The following PLEKHM3 variants were observed in gnomAD, a reference collection of about 807,000 sequenced individuals.
PLEKHM3 encodes the protein pleckstrin homology domain-containing family M member 3.
A neutral mutation model predicts 81.8 loss-of-function variants in PLEKHM3; 45 were observed. The ratio of observed to expected loss-of-function variants is 0.55; its 90% confidence interval spans 0.43 to 0.71. PLEKHM3 has a LOEUF of 0.71. PLEKHM3 is among the 30% of genes least tolerant of loss of function. The probability of loss-of-function intolerance (pLI) is 0.00; values close to 1 mark genes in which losing one functional copy is unlikely to be tolerated. For missense variants in PLEKHM3, 788 were observed against 924.3 expected, an observed-to-expected ratio of 0.85 and a Z score of 1.91; for synonymous variants, 352 against 356.4, an observed-to-expected ratio of 0.99 and a Z score of 0.14.
chr2:208,006,904 G>A (rs997483951), intron 1 of PLEKHM3, among the ~76,000 whole-genome samples: 3 of 152,230 alleles, frequency 2.0e-5, no homozygotes, highest in South Asian at 4.2e-4. Flanking sequence ...TCAGTGTATC[G>A]CTATTTCCTA....
intron 3 of PLEKHM3, among the ~76,000 whole-genome samples, chr2:207,968,891 G>A (rs1021596500): frequency 1.3e-5 from 2 of 152,158 alleles, no homozygotes; most frequent in African/African-American, 4.8e-5. Flanking sequence ...TATCCAAGTT[G>A]TTTATATGTT....
At chr2:207,901,956 T>C (rs1012536096) in intron 6 of PLEKHM3, among the ~76,000 whole-genome samples, 1 of 152,216 alleles carries the variant, frequency 6.6e-6, no homozygotes, top group Non-Finnish European at 1.5e-5. Context: ...ACAGGCGAGC[T>C]GTCACGCTTT....
intron 6 of PLEKHM3, among the ~76,000 whole-genome samples, chr2:207,902,704 T>C (rs1207830674): frequency 6.6e-6 from 1 of 152,190 alleles, no homozygotes; most frequent in African/African-American, 2.4e-5. Context: ...TAATTTTGTT[T>C]TGTTTAGCGG....
intron 3 of PLEKHM3, 135 bp from the exon 4 acceptor site, chr2:207,946,647 A>T: frequency 8.2e-7 from 1 of 1,212,416 alleles, no homozygotes; most frequent in South Asian, 1.5e-5. Context: ...GAAGTTACAG[A>T]TAATAGAGTT....
intron 3 of PLEKHM3, among the ~76,000 whole-genome samples, chr2:207,953,184 A>G (rs1010812699): frequency 6.6e-6 from 1 of 152,234 alleles, no homozygotes; most frequent in Non-Finnish European, 1.5e-5. Flanking sequence ...TGCAGCTGAT[A>G]GTCTTTGGGT....
At position 207,859,848 on chromosome 2, in the gene PLEKHM3, C is replaced by T. The variant is rs553747894; in HGVS notation, c.2108+1257G>A. ...CCTGACCTCAGTGATCCACCTGCCT[C>T]GGCCTCCCAAAGTGCTGGGATTACA... On this transcript the variant is annotated intron_variant, in intron 7 of 7. Coordinates refer to ENST00000427836, the MANE Select transcript of PLEKHM3 (RefSeq NM_001080475.3). Among the ~76,000 whole-genome samples the T allele has an allele frequency of 2.2e-3, 329 of 151,552 alleles. 3 individuals carry two copies. The highest frequency in any genetic ancestry group is 3.5e-3 in the Middle Eastern group (1 of 288).
chr2:207,922,195 T>C (rs1404478052), intron 5 of PLEKHM3, among the ~76,000 whole-genome samples: 1 of 152,232 alleles, frequency 6.6e-6, no homozygotes, highest in Non-Finnish European at 1.5e-5. Flanking sequence ...GGTGAGATGA[T>C]ATCTCCTTGT....
intron 1 of PLEKHM3, among the ~76,000 whole-genome samples, chr2:208,004,195 T>C (rs947869238): frequency 1.6e-4 from 25 of 152,244 alleles, no homozygotes; most frequent in African/African-American, 4.3e-4. Flanking sequence ...GGCAGATCAC[T>C]TGATCCACCA....
chr2:208,007,213 T>C (rs1447221782), intron 1 of PLEKHM3, among the ~76,000 whole-genome samples: 1 of 152,186 alleles, frequency 6.6e-6, no homozygotes, highest in Non-Finnish European at 1.5e-5. Flanking sequence ...TCTATCAATT[T>C]TCAAAAATAA....
chr2:207,865,801 A>AAAAAAAAAAAAAAAATATAT lies in PLEKHM3; in HGVS notation c.1951-4540_1951-4539insATATATTTTTTTTTTTTTTT. Reference sequence around the variant, plus strand: ...CGACTCAAAAAAAAAAAAAAAAAAAAAGATATATATATATATATATATATA... The same window carrying AAAAAAAAAAAAAAAATATAT: ...CGACTCAAAAAAAAAAAAAAAAAAAAAAAAAAAAAAAAAAATATATAGATATATATATATATATATATATA... On this transcript the variant is annotated intron_variant, in intron 6 of 7. Coordinates refer to ENST00000427836, the MANE Select transcript of PLEKHM3 (RefSeq NM_001080475.3). 2.8e-4 allele frequency among the ~76,000 whole-genome samples: 7 copies of AAAAAAAAAAAAAAAATATAT among 25,290 alleles called. 1 individual carries two copies. The highest frequency in any genetic ancestry group is 4.5e-4 in the Non-Finnish European group (6 of 13,198). The allele number at this position is 25,290 out of a possible 152,430, so 16.6% of individuals were successfully genotyped here.
At chr2:207,842,376 A>G (rs1304655962) in intron 7 of PLEKHM3, among the ~76,000 whole-genome samples, 1 of 152,230 alleles carries the variant, frequency 6.6e-6, no homozygotes, top group Non-Finnish European at 1.5e-5. Flanking sequence ...TCATTTTTAT[A>G]TAAGGATAAA....
chr2:207,917,079 A>C (rs1559235639), intron 5 of PLEKHM3, among the ~76,000 whole-genome samples: 1 of 152,186 alleles, frequency 6.6e-6, no homozygotes. Context: ...TGACTCAAAA[A>C]CCACACTTTT....
intron 2 of PLEKHM3, among the ~76,000 whole-genome samples, chr2:207,988,573 A>T (rs1691798827): frequency 6.6e-6 from 1 of 152,146 alleles, no homozygotes; most frequent in South Asian, 2.1e-4. Flanking sequence ...TCTGTTAACA[A>T]ATTCCTTCCT....
chr2:207,899,520 A>T (rs1041148030), intron 6 of PLEKHM3, among the ~76,000 whole-genome samples: 1 of 152,208 alleles, frequency 6.6e-6, no homozygotes, highest in African/African-American at 2.4e-5. Context: ...TTGCTGAATG[A>T]ATAAATGAAT....
chr2:207,948,732 AC>A, intron 3 of PLEKHM3, among the ~76,000 whole-genome samples: 1 of 152,022 alleles, frequency 6.6e-6, no homozygotes, highest in Non-Finnish European at 1.5e-5. Context: ...TTTAGTAGAG[AC>A]GGGGTTTCAC....
At chr2:207,890,119 T>C (rs1266748623) in intron 6 of PLEKHM3, among the ~76,000 whole-genome samples, 3 of 152,188 alleles carry the variant, frequency 2.0e-5, no homozygotes, top group African/African-American at 7.2e-5. Context: ...CGTTCATTTT[T>C]TAAAAATTGC....
rs1336172621 is a variant in PLEKHM3 at position 207,827,543 on chromosome 2, C to T, written c.*776G>A. On this transcript the variant is annotated 3_prime_UTR_variant, in exon 8 of 8. Coordinates refer to ENST00000427836, the MANE Select transcript of PLEKHM3 (RefSeq NM_001080475.3). Reference sequence around the variant, plus strand: ...TGGAAAACACGGTGGAGCGTCACATCATTAGGTGGGTGATGGGATTAGTAC... The same window carrying T: ...TGGAAAACACGGTGGAGCGTCACATTATTAGGTGGGTGATGGGATTAGTAC... 1 of 152,162 alleles carries T rather than the reference C, an allele frequency of 6.6e-6. No individual in the cohort carries two copies. 9.4% of individuals were successfully genotyped at this position (152,162 alleles called of 1,614,324 possible).
intron 1 of PLEKHM3, among the ~76,000 whole-genome samples, chr2:208,021,377 T>C (rs193020385): frequency 1.6e-3 from 248 of 152,360 alleles, no homozygotes; most frequent in Non-Finnish European, 1.6e-3. Context: ...CTATATGACA[T>C]TCAGCGATCC....
chr2:207,986,420 G>C (rs1362797857), intron 2 of PLEKHM3, among the ~76,000 whole-genome samples: 1 of 152,084 alleles, frequency 6.6e-6, no homozygotes, highest in Non-Finnish European at 1.5e-5. Context: ...TTCTCTACAG[G>C]CTATCCAGGC....
Sources: gnomAD v4.1 joint callset for allele counts (sites outside exome capture counted in the v4.1 genomes callset) on GRCh38, gnomAD v4.1.1 for gene constraint, MANE v1.5 for transcripts, NCBI Gene and HGNC (gene_info 2026-07-23, HGNC 2026-07-21) for gene names.